The following AGBL4 variants were observed in gnomAD, a reference collection of about 807,000 sequenced individuals.
AGBL4 encodes cytosolic carboxypeptidase 6.
A neutral mutation model predicts 66.4 loss-of-function variants in AGBL4; 58 were observed. The observed-to-expected ratio is 0.87, with a 90% CI of 0.71 to 1.09. The LOEUF is 1.09. AGBL4 is among the 50% of genes least tolerant of loss of function. AGBL4 has a pLI of 0.00. For synonymous variants in AGBL4, 234 were observed against 222.9 expected, an observed-to-expected ratio of 1.05 and a Z score of -0.44; for missense variants, 579 against 631.0, an observed-to-expected ratio of 0.92 and a Z score of 0.88.
At chr1:49,569,962 A>AT (rs1412912907) in intron 3 of AGBL4, among the ~76,000 whole-genome samples, 2 of 152,030 alleles carry the variant, frequency 1.3e-5, no homozygotes, top group East Asian at 1.9e-4. Context: ...TATATACCAC[A>AT]TTTTTTTATT....
chr1:48,551,083 C>T (rs1354871183), intron 11 of AGBL4, among the ~76,000 whole-genome samples: 1 of 152,198 alleles, frequency 6.6e-6, no homozygotes, highest in African/African-American at 2.4e-5. Flanking sequence ...TTGTCACTTC[C>T]TGACCTACAA....
chr1:48,753,960 G>A (rs1199502558), intron 6 of AGBL4, among the ~76,000 whole-genome samples: 1 of 152,116 alleles, frequency 6.6e-6, no homozygotes, highest in African/African-American at 2.4e-5. Context: ...TATTTGCCTG[G>A]TGTCACACTG....
intron 9 of AGBL4, among the ~76,000 whole-genome samples, chr1:48,623,198 T>G (rs1645444320): frequency 6.6e-6 from 1 of 152,236 alleles, no homozygotes; most frequent in South Asian, 2.1e-4. Context: ...AATGGGTAAA[T>G]GAATGACTTT....
At chr1:49,062,552 A>G (rs2147914293) in intron 4 of AGBL4, among the ~76,000 whole-genome samples, 1 of 152,364 alleles carries the variant, frequency 6.6e-6, no homozygotes, top group South Asian at 2.1e-4. Context: ...TTAATAAGAT[A>G]GGCAGAAGCA....
At chr1:49,622,335 G>T (rs926484597) in intron 3 of AGBL4, among the ~76,000 whole-genome samples, 3 of 152,082 alleles carry the variant, frequency 2.0e-5, no homozygotes, top group Admixed American at 2.0e-4. Flanking sequence ...TGAAAAATGG[G>T]AATAATAATG....
chr1:49,423,418 G>A (rs535199519), intron 3 of AGBL4, among the ~76,000 whole-genome samples: 1 of 152,256 alleles, frequency 6.6e-6, no homozygotes, highest in African/African-American at 2.4e-5. Flanking sequence ...CCTAAGACAG[G>A]CATGAGAGGA....
chr1:48,636,061 C>T (rs1454807778), intron 8 of AGBL4, among the ~76,000 whole-genome samples: 1 of 152,184 alleles, frequency 6.6e-6, no homozygotes, highest in African/African-American at 2.4e-5. Flanking sequence ...CAGTGCTGCA[C>T]TATTTTCAAA....
intron 6 of AGBL4, among the ~76,000 whole-genome samples, chr1:48,707,703 C>T (rs1225404981): frequency 3.3e-5 from 5 of 152,144 alleles, no homozygotes; most frequent in Non-Finnish European, 7.3e-5. Context: ...TTCTCTACAG[C>T]GGCTGATGGG....
intron 2 of AGBL4, among the ~76,000 whole-genome samples, chr1:49,791,747 C>T (rs1237813455): frequency 6.6e-6 from 1 of 152,074 alleles, no homozygotes; most frequent in Non-Finnish European, 1.5e-5. Context: ...TGATAGAAGA[C>T]TCTCTTAACT....
intron 6 of AGBL4, among the ~76,000 whole-genome samples, chr1:48,865,129 C>A (rs1436437687): frequency 1.3e-5 from 2 of 151,892 alleles, no homozygotes; most frequent in Non-Finnish European, 2.9e-5. Context: ...CTCCTACTGG[C>A]AGCGCAAGAA....
At chr1:49,551,255 T>C (rs1652928961) in intron 3 of AGBL4, among the ~76,000 whole-genome samples, 1 of 152,224 alleles carries the variant, frequency 6.6e-6, no homozygotes, top group African/African-American at 2.4e-5. Flanking sequence ...GGTGCATCCC[T>C]GATTAGTTAA....
intron 11 of AGBL4, among the ~76,000 whole-genome samples, chr1:48,545,338 A>G (rs1394414026): frequency 1.3e-5 from 2 of 152,054 alleles, no homozygotes; most frequent in African/African-American, 2.4e-5. Flanking sequence ...TCCCCCTCCA[A>G]CCCTATTACA....
At chr1:49,117,468 A>G (rs1645551182) in intron 4 of AGBL4, among the ~76,000 whole-genome samples, 1 of 152,168 alleles carries the variant, frequency 6.6e-6, no homozygotes, top group Admixed American at 6.6e-5. Context: ...ACCATTTATT[A>G]AATAGGGAAT....
intron 5 of AGBL4, among the ~76,000 whole-genome samples, chr1:48,895,480 A>G (rs1191113296): frequency 6.6e-6 from 1 of 152,262 alleles, no homozygotes; most frequent in Non-Finnish European, 1.5e-5. Context: ...AAATGCTGGG[A>G]AACATCCTCA....
chr1:48,754,452 G>A (rs1348250340), intron 6 of AGBL4, among the ~76,000 whole-genome samples: 1 of 152,118 alleles, frequency 6.6e-6, no homozygotes, highest in African/African-American at 2.4e-5. Context: ...ACTGTTCACT[G>A]AATAAAATAA....
At chr1:48,834,087 C>T (rs921849369) in intron 6 of AGBL4, among the ~76,000 whole-genome samples, 4 of 152,170 alleles carry the variant, frequency 2.6e-5, no homozygotes, top group Non-Finnish European at 5.9e-5. Flanking sequence ...AATCCATCAC[C>T]TCTTTCTTCC....
chr1:49,938,798 C>T (rs1482321122), intron 1 of AGBL4, among the ~76,000 whole-genome samples: 1 of 152,154 alleles, frequency 6.6e-6, no homozygotes, highest in Non-Finnish European at 1.5e-5. Flanking sequence ...TTCAACAACG[C>T]TTCGTGCTAA....
At chr1:49,032,336 T>A (rs1018131694) in intron 5 of AGBL4, among the ~76,000 whole-genome samples, 2 of 152,182 alleles carry the variant, frequency 1.3e-5, no homozygotes, top group Non-Finnish European at 2.9e-5. Context: ...AAGACAAGTA[T>A]GGATCAAACT....
At chr1:48,924,279 T>TA (rs72315043) in intron 5 of AGBL4, among the ~76,000 whole-genome samples, 1 of 148,488 alleles carries the variant, frequency 6.7e-6, no homozygotes, top group African/African-American at 2.5e-5. Flanking sequence ...GAATCTAAAA[T>TA]ATAAATAAAT....
Sources: gnomAD v4.1 joint callset for allele counts (sites outside exome capture counted in the v4.1 genomes callset) on GRCh38, gnomAD v4.1.1 for gene constraint, MANE v1.5 for transcripts, NCBI Gene and HGNC (gene_info 2026-07-23, HGNC 2026-07-21) for gene names.